Variants in KCNMA1 observed in about 807,000 individuals in gnomAD.
The protein encoded by KCNMA1 is potassium calcium-activated channel subfamily M alpha 1, also known as Calcium-activated potassium channel subunit alpha-1.
In KCNMA1, 29 loss-of-function variants were observed where a neutral mutation model predicts 140.0. The ratio of observed to expected loss-of-function variants is 0.21; its 90% CI spans 0.15 to 0.28. The LOEUF (loss-of-function observed/expected upper bound fraction) is 0.28. Among genes scored for constraint, KCNMA1 ranks in the 10% least tolerant of loss-of-function variants. The probability of loss-of-function intolerance (pLI) is 1.00; values close to 1 mark genes in which losing one functional copy is unlikely to be tolerated. For missense variants in KCNMA1, 880 were observed against 1,602.2 expected (o/e 0.55, Z 7.70); for synonymous variants, 612 against 611.9 (o/e 1.00, Z 0.00).
At chr10:77,491,812 T>G (rs2040033738) in intron 1 of KCNMA1, among the ~76,000 whole-genome samples, 1 of 151,838 alleles carries the variant, frequency 6.6e-6, no homozygotes, top group Non-Finnish European at 1.5e-5. Context: ...GCAAAGCACT[T>G]TGCAAGTAGT....
intron 1 of KCNMA1, among the ~76,000 whole-genome samples, chr10:77,559,874 T>C (rs892288970): frequency 6.6e-6 from 1 of 152,146 alleles, no homozygotes; most frequent in Admixed American, 6.5e-5. Context: ...TTCAGCCCGA[T>C]ATGTTTAAAA....
chr10:77,247,435 A>G (rs1002250762), intron 3 of KCNMA1, among the ~76,000 whole-genome samples: 13 of 152,088 alleles, frequency 8.5e-5, no homozygotes, highest in African/African-American at 3.1e-4. Flanking sequence ...GAGGAAATAG[A>G]CAAGGATGGA....
chr10:77,528,360 G>C (rs1446251046), intron 1 of KCNMA1, among the ~76,000 whole-genome samples: 1 of 152,140 alleles, frequency 6.6e-6, no homozygotes, highest in Non-Finnish European at 1.5e-5. Context: ...TGTAATCCCA[G>C]TACTTTGGGA....
intron 3 of KCNMA1, among the ~76,000 whole-genome samples, chr10:77,185,548 T>C (rs2098842384): frequency 6.6e-6 from 1 of 151,904 alleles, no homozygotes; most frequent in South Asian, 2.1e-4. Context: ...GTCCGACCAG[T>C]CAAATTCAGA....
At chr10:77,300,384 TA>T (rs1601755347) in intron 2 of KCNMA1, among the ~76,000 whole-genome samples, 2 of 152,276 alleles carry the variant, frequency 1.3e-5, no homozygotes, top group East Asian at 3.9e-4. Context: ...CCCTCCCCCA[TA>T]CAATGGGGAG....
chr10:77,028,955 G>A (rs1004237628), intron 15 of KCNMA1, among the ~76,000 whole-genome samples: 1 of 152,092 alleles, frequency 6.6e-6, no homozygotes, highest in Non-Finnish European at 1.5e-5. Context: ...CAACCTAAAT[G>A]TCCAATAATA....
intron 2 of KCNMA1, among the ~76,000 whole-genome samples, chr10:77,291,439 C>T (rs757292588): frequency 1.3e-5 from 2 of 152,192 alleles, no homozygotes; most frequent in Non-Finnish European, 2.9e-5. Flanking sequence ...AAAAGAAAAA[C>T]AGGTACTCCA....
At chr10:77,603,838 T>C (rs1228255475) in intron 1 of KCNMA1, among the ~76,000 whole-genome samples, 1 of 152,182 alleles carries the variant, frequency 6.6e-6, no homozygotes, top group Admixed American at 6.5e-5. Context: ...ACACTGGCAT[T>C]GGGCTGCCTG....
At chr10:77,526,873 T>C (rs1405969487) in intron 1 of KCNMA1, among the ~76,000 whole-genome samples, 2 of 151,982 alleles carry the variant, frequency 1.3e-5, no homozygotes, top group Non-Finnish European at 2.9e-5. Flanking sequence ...TCCCTCTCCA[T>C]ATCTCCCCCT....
At chr10:76,881,047 G>A (rs2034451664), downstream of KCNMA1, among the ~76,000 whole-genome samples, 1 of 149,156 alleles carries the variant, frequency 6.7e-6, no homozygotes, top group Non-Finnish European at 1.5e-5. Flanking sequence ...TCTGTGGCTG[G>A]GAGGGGGCTA....
At chr10:77,262,836 G>C (rs1330386636) in intron 2 of KCNMA1, among the ~76,000 whole-genome samples, 1 of 152,016 alleles carries the variant, frequency 6.6e-6, no homozygotes, top group Non-Finnish European at 1.5e-5. Flanking sequence ...CATGAACCAA[G>C]ATAAATCTCT....
intron 1 of KCNMA1, among the ~76,000 whole-genome samples, chr10:77,506,840 A>AGAGAGAGT (rs1251463030): frequency 8.3e-6 from 1 of 120,858 alleles, no homozygotes; most frequent in African/African-American, 3.3e-5. Flanking sequence ...AGAGAGAGAG[A>AGAGAGAGT]GTGTGTGTGT....
intron 2 of KCNMA1, among the ~76,000 whole-genome samples, chr10:77,280,685 C>T: frequency 7.0e-6 from 1 of 142,132 alleles, no homozygotes; most frequent in South Asian, 2.3e-4. Flanking sequence ...CATCACCATG[C>T]CTGGCTTTTT....
chr10:76,949,559 T>C (rs1418402753), intron 21 of KCNMA1, 193 bp from the exon 22 acceptor site: 6 of 614,094 alleles, frequency 9.8e-6, no homozygotes, highest in East Asian at 8.3e-5. Flanking sequence ...ATATGTATTA[T>C]ATTTTTGTAA....
chr10:77,059,301 A>G (rs2095654149), intron 14 of KCNMA1, among the ~76,000 whole-genome samples: 1 of 152,006 alleles, frequency 6.6e-6, no homozygotes, highest in African/African-American at 2.4e-5. Flanking sequence ...AAAATCACCA[A>G]TTCTACACAA....
At chr10:77,471,245 T>TAC (rs1349514015) in intron 1 of KCNMA1, among the ~76,000 whole-genome samples, 3 of 139,108 alleles carry the variant, frequency 2.2e-5, no homozygotes, top group Non-Finnish European at 4.6e-5. Flanking sequence ...CAACTCACAC[T>TAC]ACACACACAA....
At chr10:76,948,034 T>A (rs1330208688) in intron 22 of KCNMA1, among the ~76,000 whole-genome samples, 5 of 152,182 alleles carry the variant, frequency 3.3e-5, no homozygotes, top group Non-Finnish European at 7.3e-5. Context: ...AGGCAGGCTC[T>A]TGTTCTGTTG....
At chr10:77,015,053 TCTCTC>T (rs1227176441) in intron 17 of KCNMA1, among the ~76,000 whole-genome samples, 1 of 152,136 alleles carries the variant, frequency 6.6e-6, no homozygotes, top group East Asian at 1.9e-4. Context: ...AAAACAGCTC[TCTCTC>T]CTCTCCTCTC....
At chr10:76,905,312 G>A (rs923543801) in intron 25 of KCNMA1, among the ~76,000 whole-genome samples, 6 of 152,140 alleles carry the variant, frequency 3.9e-5, no homozygotes, top group African/African-American at 1.4e-4. Context: ...CAAGGGTTGC[G>A]CTTCAGGAAT....
Sources: gnomAD v4.1 joint callset for allele counts (sites outside exome capture counted in the v4.1 genomes callset) on GRCh38, gnomAD v4.1.1 for gene constraint, MANE v1.5 for transcripts, NCBI Gene and HGNC (gene_info 2026-07-23, HGNC 2026-07-21) for gene names.